The following SRBD1 variants were observed in gnomAD, a reference collection of about 807,000 sequenced individuals.
SRBD1 encodes the protein S1 RNA binding domain 1, also known as S1 RNA-binding domain-containing protein 1.
Under a neutral mutation model 115.3 loss-of-function variants are expected in SRBD1, and 88 were observed. That is an observed-to-expected ratio of 0.76 (90% CI 0.64 to 0.91). The LOEUF is 0.91. Ranked by LOEUF, SRBD1 falls within the 40% of genes least tolerant of loss-of-function variation. The pLI is 0.00. For missense variants in SRBD1, 1,385 were observed against 1,177.4 expected, an observed-to-expected ratio of 1.18 and a Z score of -2.58; for synonymous variants, 509 against 407.7, an observed-to-expected ratio of 1.25 and a Z score of -2.99.
intron 14 of SRBD1, among the ~76,000 whole-genome samples, chr2:45,515,541 C>G (rs1671093646): frequency 6.6e-6 from 1 of 152,144 alleles, no homozygotes; most frequent in Admixed American, 6.6e-5. Context: ...AGTCAGCCAG[C>G]TAGCAAGAAG....
At chr2:45,601,777 G>T in intron 3 of SRBD1, 126 bp downstream of exon 3, 1 of 1,247,560 alleles carries the variant, frequency 8.0e-7, no homozygotes, top group Non-Finnish European at 1.1e-6. Flanking sequence ...AAGACCCAGG[G>T]TAGGGGATGC....
At chr2:45,393,628 C>A (rs571993629) in intron 19 of SRBD1, among the ~76,000 whole-genome samples, 3 of 152,308 alleles carry the variant, frequency 2.0e-5, no homozygotes, top group African/African-American at 7.2e-5. Flanking sequence ...GATCTGCCTG[C>A]CTTGGCCTCC....
chr2:45,609,988 C>T (rs57424660), intron 1 of SRBD1, among the ~76,000 whole-genome samples: 6,908 of 152,210 alleles, frequency 0.045, 521 homozygotes, highest in African/African-American at 0.16. Context: ...ATGGTCTCTA[C>T]AGAGGAATAT....
Position 45,585,647 on chromosome 2 carries a change from T to A in SRBD1, c.776A>T (p.Asp259Val), listed in dbSNP as rs1316597604. ...GGTTTGCTGAACTTCTCTCAAGGAA[T>A]CAGCATCAAGGTTATTAATGAGCTC... The part of the protein sequence containing the change: ...RKELINNLDA[D>V]SLREVQQTLE... The change falls in exon 5 of 21, where the codon GAT becomes GTT. Residue 259 changes from aspartate to valine, a missense_variant. Asp to Val is a radical substitution (Grantham distance 152). Coordinates refer to ENST00000263736, the MANE Select transcript of SRBD1 (RefSeq NM_018079.5). The A allele has an allele frequency of 6.2e-7, 1 of 1,611,838 alleles. No individual in the cohort carries two copies. Among genetic ancestry groups the A allele is most frequent in the Non-Finnish European group, 8.5e-7 (1 of 1,179,388 alleles).
At chr2:45,550,256 A>G (rs1381576334) in intron 12 of SRBD1, among the ~76,000 whole-genome samples, 1 of 152,124 alleles carries the variant, frequency 6.6e-6, no homozygotes, top group African/African-American at 2.4e-5. Flanking sequence ...TATAATATGT[A>G]TGTAATTGGA....
chr2:45,508,997 G>A lies in SRBD1; in HGVS notation c.1875-20666C>T, dbSNP rs140959466. Among the ~76,000 whole-genome samples the A allele has an allele frequency of 3.1e-3, 477 of 152,186 alleles. 4 individuals carry two copies. Among genetic ancestry groups the A allele is most frequent in the African/African-American group, 0.011 (459 of 41,520 alleles). The stretch of plus-strand genomic sequence containing the variant: ...CGGTGAGTTGGGAGGTGGGGGCAGG[G>A]AGGTGCAGAGAAAGAGAATACATGC... On this transcript the variant is annotated intron_variant, in intron 14 of 20. Transcript: ENST00000263736.
rs192522523 is a variant in SRBD1, at chr2:45,540,080, C to T, written c.1874+6652G>A. Among the ~76,000 whole-genome samples the T allele has an allele frequency of 4.1e-4, 63 of 152,232 alleles. 1 individual carries two copies. The Middle Eastern group carries it at 0.014, about 33-fold the overall frequency. The stretch of plus-strand genomic sequence containing the variant: ...TGAATGGGCCAGGCATGGTGGCTCA[C>T]GCCTGTAACCCCAGCACTTTGGGAG... On this transcript the variant is annotated intron_variant, in intron 14 of 20. Coordinates refer to ENST00000263736, the MANE Select transcript of SRBD1 (RefSeq NM_018079.5).
At chr2:45,408,002 T>C (rs1667486258) in intron 19 of SRBD1, among the ~76,000 whole-genome samples, 1 of 152,128 alleles carries the variant, frequency 6.6e-6, no homozygotes, top group African/African-American at 2.4e-5. Flanking sequence ...ATCATAAACA[T>C]GAAAAGAAAG....
rs182663090 is a variant in SRBD1 at position 45,508,390 on chromosome 2, T to C, written c.1875-20059A>G. Among the ~76,000 whole-genome samples the C allele has an allele frequency of 1.3e-3, 192 of 152,314 alleles. 1 individual carries two copies. Among genetic ancestry groups the C allele is most frequent in the Non-Finnish European group, 2.0e-3 (138 of 68,012 alleles). ...AACTATACACAATGGCTGAAGAAAC[T>C]TTTAAAATTATTTTATTTCCCCTAA... is the stretch of plus-strand genomic sequence containing the variant. On this transcript the variant is annotated intron_variant, in intron 14 of 20. Coordinates refer to ENST00000263736, the MANE Select transcript of SRBD1 (RefSeq NM_018079.5).
intron 10 of SRBD1, 141 bp downstream of exon 10, chr2:45,562,512 G>T (rs566823500): frequency 2.9e-5 from 16 of 549,052 alleles, no homozygotes; most frequent in East Asian, 1.8e-4. Flanking sequence ...GATTACAGGC[G>T]TGAGCCACCG....
chr2:45,414,867 CACACAAT>C (rs1667756576), intron 18 of SRBD1, among the ~76,000 whole-genome samples: 1 of 138,558 alleles, frequency 7.2e-6, no homozygotes, highest in Admixed American at 7.0e-5. Flanking sequence ...ATAGTATGTA[CACACAAT>C]ATAGTGTGTA....
At chr2:45,431,918 C>T (rs749592207) in intron 16 of SRBD1, among the ~76,000 whole-genome samples, 51 of 152,112 alleles carry the variant, frequency 3.4e-4, no homozygotes, top group Admixed American at 6.5e-4. Flanking sequence ...CTTCTGTAAA[C>T]GCTGCCGTCA....
chr2:45,431,840 G>T (rs1668347847), intron 16 of SRBD1, among the ~76,000 whole-genome samples: 1 of 151,812 alleles, frequency 6.6e-6, no homozygotes. Context: ...CAAGAAAAAA[G>T]GTCCAAGTTA....
chr2:45,392,262 A>C (rs558872083), intron 20 of SRBD1, among the ~76,000 whole-genome samples: 1 of 152,334 alleles, frequency 6.6e-6, no homozygotes, highest in East Asian at 1.9e-4. Flanking sequence ...AAAAGAGCCA[A>C]GCCCTAAACA....
chr2:45,404,917 A>G (rs1667385909), intron 19 of SRBD1, among the ~76,000 whole-genome samples: 1 of 151,946 alleles, frequency 6.6e-6, no homozygotes, highest in Non-Finnish European at 1.5e-5. Context: ...GAACCTTCAC[A>G]CTGTCTGGCT....
rs202019469 is a variant in SRBD1 at position 45,599,457 on chromosome 2, T to C, written c.640A>G (p.Met214Val). The C allele has an allele frequency of 1.5e-4, 239 of 1,613,340 alleles. No homozygotes were observed. The highest frequency in any genetic ancestry group is 1.9e-4 in the Non-Finnish European group (228 of 1,179,530). ...TKEEVEMNWD[M>V]VQVLSERTNI... Reference sequence around the variant, plus strand: ...AAAAAGGCTGCACATACCTGTACCATGTCCCAATTCATTTCCACCTCCTCT... The same window carrying C: ...AAAAAGGCTGCACATACCTGTACCACGTCCCAATTCATTTCCACCTCCTCT... Residue 214 changes from methionine (M) to valine (V), a missense_variant, in exon 4 of 21, where the codon ATG becomes GTG. By Grantham distance (21) the Met-to-Val change is conservative. Transcript: ENST00000263736.
In SRBD1 at chr2:45,419,698, A is replaced by G. The variant is rs1667939326; in HGVS notation, c.2156+90T>C. Reference sequence around the variant, plus strand: ...TAGACGTTCTCTACTTGACAACTTTATACACGTGTTCCCTTCTTCTAGCCG... The same window carrying G: ...TAGACGTTCTCTACTTGACAACTTTGTACACGTGTTCCCTTCTTCTAGCCG... On this transcript the variant is annotated intron_variant, in intron 17 of 20. Transcript: ENST00000263736. The G allele has an allele frequency of 2.7e-6, 3 of 1,095,582 alleles. No individual in the cohort carries two copies. The East Asian group carries it at 7.2e-5, about 26-fold the overall frequency. 67.9% of individuals were successfully genotyped at this position (1,095,582 alleles called of 1,614,324 possible).
intron 10 of SRBD1, among the ~76,000 whole-genome samples, chr2:45,556,920 G>A (rs745749349): frequency 1.1e-4 from 17 of 151,890 alleles, no homozygotes; most frequent in Non-Finnish European, 1.9e-4. Context: ...GTAAGTTTTT[G>A]CTGCTGCTGC....
At position 45,567,960 on chromosome 2, in the gene SRBD1, C is replaced by T. The variant is rs552440780; in HGVS notation, c.1306-5204G>A. ...CAAAAAATCCTGACACACAGGAAGA[C>T]CCATGGTGGAGAAGGGAATAAGGTA... On this transcript the variant is annotated intron_variant, in intron 9 of 20. Coordinates refer to ENST00000263736, the MANE Select transcript of SRBD1 (RefSeq NM_018079.5). The T allele has an allele frequency of 8.5e-5, 13 of 152,190 alleles. No homozygotes were observed. In the East Asian group the frequency reaches 2.1e-3, roughly 25 times the overall value. The allele number at this position is 152,190 out of a possible 1,614,324, so 9.4% of individuals were successfully genotyped here.
Sources: allele counts gnomAD v4.1 joint callset (sites outside exome capture counted in the v4.1 genomes callset), GRCh38; gene constraint gnomAD v4.1.1; transcripts MANE v1.5; gene names NCBI Gene and HGNC (gene_info 2026-07-23, HGNC 2026-07-21).